Variants in DOK6 observed in about 807,000 individuals in gnomAD.
DOK6 encodes the protein docking protein 6, also known as downstream of tyrosine kinase 6.
A neutral mutation model predicts 44.0 loss-of-function variants in DOK6; 22 were observed. That is an observed-to-expected ratio of 0.50 (90% CI 0.36 to 0.71). The LOEUF (loss-of-function observed/expected upper bound fraction) is 0.71, where lower values mean the gene tolerates loss of function less well. Ranked by LOEUF, DOK6 falls within the 30% of genes least tolerant of loss-of-function variation. The pLI, the probability that DOK6 is intolerant of heterozygous loss-of-function variation, is 0.00. For missense variants in DOK6, 340 were observed against 416.4 expected, an observed-to-expected ratio of 0.82 and a Z score of 1.60; for synonymous variants, 166 against 145.5, an observed-to-expected ratio of 1.14 and a Z score of -1.01.
chr18:69,495,428 T>G (rs942628713), intron 1 of DOK6, among the ~76,000 whole-genome samples: 2 of 152,148 alleles, frequency 1.3e-5, no homozygotes, highest in African/African-American at 4.8e-5. Flanking sequence ...GAAGAGGAGC[T>G]TTACTGAGTG....
intron 2 of DOK6, among the ~76,000 whole-genome samples, chr18:69,567,309 G>A (rs553392481): frequency 5.6e-4 from 85 of 152,012 alleles, no homozygotes; most frequent in South Asian, 6.2e-4. Context: ...TAATAAATGT[G>A]TCTTTATTTT....
intron 1 of DOK6, among the ~76,000 whole-genome samples, chr18:69,545,025 GC>G (rs1982365546): frequency 6.6e-6 from 1 of 150,726 alleles, no homozygotes; most frequent in South Asian, 2.1e-4. Context: ...GGAGGCTGAG[GC>G]AGGAGAATCA....
chr18:69,492,423 A>T (rs1023692673), intron 1 of DOK6, among the ~76,000 whole-genome samples: 12 of 151,788 alleles, frequency 7.9e-5, no homozygotes, highest in Non-Finnish European at 1.5e-4. Context: ...ATTTTATTTT[A>T]TTATTTTTCT....
intron 3 of DOK6, among the ~76,000 whole-genome samples, chr18:69,642,760 C>T (rs896082409): frequency 3.3e-5 from 5 of 152,234 alleles, no homozygotes; most frequent in South Asian, 2.1e-4. Flanking sequence ...AGAAGGTACA[C>T]GATGCCAATT....
At chr18:69,403,067 G>A (rs941180996) in intron 1 of DOK6, among the ~76,000 whole-genome samples, 1 of 152,054 alleles carries the variant, frequency 6.6e-6, no homozygotes, top group Non-Finnish European at 1.5e-5. Flanking sequence ...CATTTTTCTC[G>A]GCCTTTGATC....
chr18:69,417,120 T>TAAA (rs1479913105), intron 1 of DOK6, among the ~76,000 whole-genome samples: 1 of 152,152 alleles, frequency 6.6e-6, no homozygotes, highest in South Asian at 2.1e-4. Flanking sequence ...AAATATACAA[T>TAAA]AAATTATTAA....
intron 1 of DOK6, among the ~76,000 whole-genome samples, chr18:69,479,408 C>T (rs1005116027): frequency 6.6e-6 from 1 of 151,880 alleles, no homozygotes. Flanking sequence ...CATACCTAGC[C>T]CTCAATATAA....
At chr18:69,665,221 G>T (rs1985626079) in intron 3 of DOK6, among the ~76,000 whole-genome samples, 1 of 151,876 alleles carries the variant, frequency 6.6e-6, no homozygotes. Flanking sequence ...CTCCCCAAAA[G>T]ACACTAACTC....
chr18:69,613,269 G>C (rs1984207367), intron 3 of DOK6, among the ~76,000 whole-genome samples: 2 of 152,186 alleles, frequency 1.3e-5, no homozygotes, highest in African/African-American at 4.8e-5. Flanking sequence ...GTGTGCATGT[G>C]TGTGTAAAAT....
intron 3 of DOK6, among the ~76,000 whole-genome samples, chr18:69,600,518 T>G (rs1238622149): frequency 6.6e-6 from 1 of 152,168 alleles, no homozygotes. Context: ...TGTTAAATGA[T>G]ATAAATTCCC....
chr18:69,431,257 G>A (rs1421256239), intron 1 of DOK6, among the ~76,000 whole-genome samples: 1 of 152,172 alleles, frequency 6.6e-6, no homozygotes, highest in Admixed American at 6.5e-5. Context: ...GAACTGCAGT[G>A]TAAACTGAGA....
chr18:69,497,329 A>C (rs1259758347), intron 1 of DOK6, among the ~76,000 whole-genome samples: 1 of 152,150 alleles, frequency 6.6e-6, no homozygotes, highest in Non-Finnish European at 1.5e-5. Context: ...CAGACTAGAG[A>C]AAGAACCAAA....
intron 1 of DOK6, among the ~76,000 whole-genome samples, chr18:69,498,893 G>A (rs1457863183): frequency 6.6e-6 from 1 of 152,086 alleles, no homozygotes; most frequent in Non-Finnish European, 1.5e-5. Context: ...AGGGTGAGTT[G>A]TTACATTGAT....
chr18:69,770,192 A>G (rs1336902342), intron 7 of DOK6, among the ~76,000 whole-genome samples: 1 of 152,074 alleles, frequency 6.6e-6, no homozygotes, highest in South Asian at 2.1e-4. Context: ...AATCTTCCCA[A>G]CAACTCTCCA....
intron 3 of DOK6, among the ~76,000 whole-genome samples, chr18:69,610,368 T>C (rs1984109703): frequency 6.6e-6 from 1 of 152,190 alleles, no homozygotes; most frequent in African/African-American, 2.4e-5. Context: ...ATATCTCATA[T>C]AAGCATATAC....
intron 7 of DOK6, among the ~76,000 whole-genome samples, chr18:69,777,004 T>TGGGGGAA (rs74175388): frequency 1.6e-5 from 1 of 62,004 alleles, no homozygotes; most frequent in East Asian, 6.2e-4. Context: ...TGTTGTTGGG[T>TGGGGGAA]GGGGGGAGGG....
At chr18:69,635,072 A>G (rs1398868457) in intron 3 of DOK6, among the ~76,000 whole-genome samples, 1 of 152,170 alleles carries the variant, frequency 6.6e-6, no homozygotes, top group East Asian at 1.9e-4. Flanking sequence ...TCCAGTTGAC[A>G]CAATCCAGGT....
chr18:69,595,254 C>G (rs1483200498), intron 2 of DOK6, among the ~76,000 whole-genome samples: 1 of 152,164 alleles, frequency 6.6e-6, no homozygotes, highest in Non-Finnish European at 1.5e-5. Context: ...AATTGTGTGG[C>G]TAATCTAAGC....
intron 1 of DOK6, 111 bp from the exon 2 acceptor site, chr18:69,564,376 A>G (rs1982918790): frequency 1.3e-6 from 1 of 774,472 alleles, no homozygotes; most frequent in Non-Finnish European, 2.1e-6. Context: ...TTGTCAATCA[A>G]AAACAGTTCC....
Sources: gnomAD v4.1 joint callset for allele counts (sites outside exome capture counted in the v4.1 genomes callset) on GRCh38, gnomAD v4.1.1 for gene constraint, MANE v1.5 for transcripts, NCBI Gene and HGNC (gene_info 2026-07-23, HGNC 2026-07-21) for gene names.